SASH1: variants seen among roughly 807,000 people sequenced by gnomAD.
SASH1 encodes the protein SAM and SH3 domain-containing protein 1.
SASH1 carries 44 observed loss-of-function variants against 125.2 expected under a neutral mutation model. The ratio of observed to expected loss-of-function variants is 0.35; its 90% CI spans 0.28 to 0.45. The LOEUF (loss-of-function observed/expected upper bound fraction) is 0.45, where lower values mean the gene tolerates loss of function less well. Among genes scored for constraint, SASH1 ranks in the 20% least tolerant of loss-of-function variants. SASH1 has a pLI of 1.00. For synonymous variants in SASH1, 639 were observed against 649.1 expected, an observed-to-expected ratio of 0.98 and a Z score of 0.24; for missense variants, 1,426 against 1,614.5, an observed-to-expected ratio of 0.88 and a Z score of 2.00.
chr6:148,311,900 C>T (rs1235509058), intron 1 of SASH1, among the ~76,000 whole-genome samples: 1 of 152,186 alleles, frequency 6.6e-6, no homozygotes, highest in Non-Finnish European at 1.5e-5. Context: ...TTCAAACCTG[C>T]TTCAACTGGT....
At chr6:148,246,006 G>GA in the SASH1 span, among the ~76,000 whole-genome samples, 16 of 150,062 alleles carry the variant, frequency 1.1e-4, no homozygotes, top group East Asian at 3.9e-4. Flanking sequence ...AAAAGAAAAA[G>GA]AAAAAAAAAG....
At chr6:148,334,586 C>A (rs980736850) in intron 1 of SASH1, among the ~76,000 whole-genome samples, 2 of 151,116 alleles carry the variant, frequency 1.3e-5, no homozygotes, top group East Asian at 2.0e-4. Context: ...CCGAGGCAGG[C>A]GGATCACCTG....
At chr6:148,434,579 A>C (rs1399357784) in intron 2 of SASH1, among the ~76,000 whole-genome samples, 4 of 151,992 alleles carry the variant, frequency 2.6e-5, no homozygotes, top group Non-Finnish European at 5.9e-5. Context: ...TTAACTTGGG[A>C]TGGTTTCTTT....
chr6:148,264,039 A>G, the SASH1 span, among the ~76,000 whole-genome samples: 2 of 152,186 alleles, frequency 1.3e-5, no homozygotes, highest in South Asian at 2.1e-4. Context: ...AAGAGCCCCT[A>G]GGGCTCAACC....
the SASH1 span, among the ~76,000 whole-genome samples, chr6:148,223,208 A>G: frequency 3.9e-5 from 6 of 152,324 alleles, no homozygotes; most frequent in African/African-American, 7.2e-5. Flanking sequence ...TCCTGCCTCT[A>G]ACTAACTAGG....
At chr6:148,370,562 G>A (rs1782667208) in intron 1 of SASH1, among the ~76,000 whole-genome samples, 2 of 152,038 alleles carry the variant, frequency 1.3e-5, no homozygotes, top group Admixed American at 6.6e-5. Context: ...GGTGGCTCAC[G>A]CCTGTAATCC....
chr6:148,307,574 G>C (rs1314882593), intron 1 of SASH1, among the ~76,000 whole-genome samples: 1 of 152,142 alleles, frequency 6.6e-6, no homozygotes, highest in Non-Finnish European at 1.5e-5. Flanking sequence ...CCAAGCATCT[G>C]ATTGTATTTA....
chr6:148,424,270 C>T (rs1368989560), intron 2 of SASH1, among the ~76,000 whole-genome samples: 1 of 150,662 alleles, frequency 6.6e-6, no homozygotes, highest in Admixed American at 6.6e-5. Context: ...GACAGGGTCT[C>T]GCTCTGTCAC....
chr6:148,247,485 G>A, the SASH1 span, among the ~76,000 whole-genome samples: 1 of 152,178 alleles, frequency 6.6e-6, no homozygotes, highest in Non-Finnish European at 1.5e-5. Context: ...CTCCTCTAGT[G>A]GACAGTGAGC....
At chr6:148,486,915 C>T (rs1156841898) in intron 7 of SASH1, among the ~76,000 whole-genome samples, 1 of 104,912 alleles carries the variant, frequency 9.5e-6, no homozygotes, top group Non-Finnish European at 1.9e-5. Flanking sequence ...GAGTAGAGAC[C>T]CTGTCTCAAC....
At position 148,376,942 on chromosome 6, in the gene SASH1, G is replaced by A. The variant is rs552422264; in HGVS notation, c.157-13192G>A. 9.2e-5 allele frequency among the ~76,000 whole-genome samples: 14 copies of A among 151,524 alleles called. No homozygotes were observed. The South Asian group carries it at 2.5e-3, about 27-fold the overall frequency. On this transcript the variant is annotated intron_variant, in intron 1 of 19. Coordinates refer to ENST00000367467, the MANE Select transcript of SASH1 (RefSeq NM_015278.5). ...TCCCAGCACTTTGGGAGGCCGAGGC[G>A]GGCGGATCACGAGGTCAGGAGATCG...
At chr6:148,382,739 A>C (rs560992844) in intron 1 of SASH1, among the ~76,000 whole-genome samples, 18 of 152,244 alleles carry the variant, frequency 1.2e-4, no homozygotes, top group Non-Finnish European at 2.4e-4. Flanking sequence ...ACCGGGATCC[A>C]CCTGTGCGCA....
chr6:148,444,678 C>T (rs566536322), intron 4 of SASH1, among the ~76,000 whole-genome samples: 180 of 152,316 alleles, frequency 1.2e-3, no homozygotes, highest in African/African-American at 4.1e-3. Flanking sequence ...TATCTATCTA[C>T]ATCGCTTATT....
chr6:148,233,763 A>AAAAAAAAAAAAAAAAAAAAAAAAAAC, the SASH1 span, among the ~76,000 whole-genome samples: 1 of 147,728 alleles, frequency 6.8e-6, no homozygotes, highest in Non-Finnish European at 1.5e-5. Flanking sequence ...AAAAAAAAAA[A>AAAAAAAAAAAAAAAAAAAAAAAAAAC]TTAGCTGGAC....
the SASH1 span, among the ~76,000 whole-genome samples, chr6:148,201,778 T>C: frequency 4.5e-4 from 69 of 152,058 alleles, no homozygotes; most frequent in African/African-American, 1.6e-3. Context: ...AGCCTGAGAA[T>C]AAAGGAGAAC....
intron 8 of SASH1, chr6:148,509,312 G>A (rs914622441): frequency 6.0e-6 from 1 of 166,244 alleles, no homozygotes; most frequent in Non-Finnish European, 1.3e-5. Context: ...CGCTAGGTTA[G>A]AGAGACCAGT....
chr6:148,309,813 T>G (rs1339521005), intron 1 of SASH1, among the ~76,000 whole-genome samples: 1 of 152,006 alleles, frequency 6.6e-6, no homozygotes, highest in East Asian at 1.9e-4. Flanking sequence ...TGTACAAGGG[T>G]ATCATTCATT....
chr6:148,316,573 A>G (rs1410199318), intron 1 of SASH1, among the ~76,000 whole-genome samples: 4 of 152,258 alleles, frequency 2.6e-5, no homozygotes, highest in Non-Finnish European at 5.9e-5. Flanking sequence ...TGATTAGAAG[A>G]AAGCTCTCAG....
chr6:148,394,970 C>T (rs1041843059), intron 2 of SASH1, among the ~76,000 whole-genome samples: 15 of 152,128 alleles, frequency 9.9e-5, no homozygotes, highest in Middle Eastern at 3.2e-3. Context: ...TGTCAGCAGC[C>T]CTGTCAAAGC....
Sources: allele counts gnomAD v4.1 joint callset (sites outside exome capture counted in the v4.1 genomes callset), GRCh38; gene constraint gnomAD v4.1.1; transcripts MANE v1.5; gene names NCBI Gene and HGNC (gene_info 2026-07-23, HGNC 2026-07-21).